The following SMC1B variants were observed in gnomAD, a reference collection of about 807,000 sequenced individuals.
The protein encoded by SMC1B is structural maintenance of chromosomes 1B, also known as structural maintenance of chromosomes protein 1B.
In SMC1B, 60 loss-of-function variants were observed where a neutral mutation model predicts 157.9. That is an observed-to-expected ratio of 0.38 (90% confidence interval 0.31 to 0.47). The LOEUF (loss-of-function observed/expected upper bound fraction) is 0.47. Among genes scored for constraint, SMC1B ranks in the 20% least tolerant of loss-of-function variants. The probability of loss-of-function intolerance (pLI) is 0.99; values close to 1 mark genes in which losing one functional copy is unlikely to be tolerated. For synonymous variants in SMC1B, 445 were observed against 483.0 expected (o/e 0.92, Z 1.03); for missense variants, 1,165 against 1,426.2 (o/e 0.82, Z 2.95).
At chr22:45,388,935 C>T (rs1458425832) in intron 10 of SMC1B, among the ~76,000 whole-genome samples, 1 of 127,466 alleles carries the variant, frequency 7.8e-6, no homozygotes, top group African/African-American at 3.1e-5. Context: ...TGCAGTGAAC[C>T]AAGATCGTGC....
chr22:45,373,576 AGGTTT>A (rs892591847), intron 12 of SMC1B, among the ~76,000 whole-genome samples: 4 of 152,224 alleles, frequency 2.6e-5, no homozygotes, highest in Non-Finnish European at 5.9e-5. Context: ...ACAGGCAGTA[AGGTTT>A]GTTTTGGGAA....
At chr22:45,385,709 T>C (rs1268432234) in intron 11 of SMC1B, among the ~76,000 whole-genome samples, 4 of 152,006 alleles carry the variant, frequency 2.6e-5, no homozygotes, top group Non-Finnish European at 5.9e-5. Flanking sequence ...AATATACAAA[T>C]ATACAAAAGT....
intron 10 of SMC1B, among the ~76,000 whole-genome samples, chr22:45,387,989 G>A (rs1362282038): frequency 2.0e-5 from 3 of 151,216 alleles, no homozygotes; most frequent in Admixed American, 6.6e-5. Context: ...CCGAGATCAC[G>A]CCATTGCACT....
chr22:45,387,686 A>G (rs2087004769), intron 10 of SMC1B, among the ~76,000 whole-genome samples: 1 of 152,208 alleles, frequency 6.6e-6, no homozygotes, highest in Admixed American at 6.5e-5. Context: ...GTGAAAAATA[A>G]TGCCCATTTT....
chr22:45,411,192 CA>C (rs2087329260), intron 1 of SMC1B, among the ~76,000 whole-genome samples: 1 of 111,990 alleles, frequency 8.9e-6, no homozygotes, highest in Non-Finnish European at 1.7e-5. Context: ...GGCAACAACC[CA>C]AACTATCAAC....
chr22:45,370,679 G>C (rs1209778455), intron 14 of SMC1B, among the ~76,000 whole-genome samples: 1 of 151,916 alleles, frequency 6.6e-6, no homozygotes, highest in Non-Finnish European at 1.5e-5. Context: ...AGCATGACTA[G>C]ATAATCCAAG....
chr22:45,401,061 A>T (rs905401210), intron 5 of SMC1B, among the ~76,000 whole-genome samples: 1 of 152,254 alleles, frequency 6.6e-6, no homozygotes, highest in East Asian at 1.9e-4. Context: ...GGATCATAAA[A>T]AGGACATTAG....
chr22:45,413,526 C>T lies in SMC1B; in HGVS notation c.42G>A (p.Ser14=), dbSNP rs1370666993. The T allele has an allele frequency of 1.9e-6, 3 of 1,612,352 alleles. No individual in the cohort carries two copies. The African/African-American group carries it at 4.0e-5, about 22-fold the overall frequency. The change falls in exon 1 of 25, where the codon TCG becomes TCA. Residue 14 remains serine, a synonymous_variant. Transcript: ENST00000357450. ...GGCCAATGACCTGGCGGCCCCGCCACGACTTGAAATTTTCCACAAGCAGCA... is the reference window on the plus strand; with the variant it reads ...GGCCAATGACCTGGCGGCCCCGCCATGACTTGAAATTTTCCACAAGCAGCA... The part of the protein sequence containing the change: ...LELLLVENFK[S]WRGRQVIGPF...
Position 45,406,531 on chromosome 22 carries a change from C to T in SMC1B, c.544G>A (p.Ala182Thr), listed in dbSNP as rs2087262368. 1.2e-6 allele frequency: 2 copies of T among 1,613,134 alleles called. No homozygotes were observed. Among genetic ancestry groups the T allele is most frequent in the African/African-American group, 2.7e-5 (2 of 75,018 alleles). The change falls in exon 4 of 25, where the codon GCA (alanine) becomes ACA (threonine). Residue 182 changes from alanine (A) to threonine (T), a missense_variant. Transcript: ENST00000357450. ...KRKLQKAEED[A>T]QFNFNKKKNI... ...TTTTTCTTATTAAAGTTAAACTGTG[C>T]ATCCTCTTCGGCTTTTTGTAACTTT...
rs543895513 is a variant in SMC1B at position 45,349,686 on chromosome 22, G to A, written c.3495+42C>T. On this transcript the variant is annotated intron_variant, in intron 23 of 24. Coordinates refer to ENST00000357450, the MANE Select transcript of SMC1B (RefSeq NM_148674.5). Reference sequence around the variant, plus strand: ...CCATTGCTTGCCTCACATGATCCTTGAATTGTAGACAGTCTATTGAAAATG... The same window carrying A: ...CCATTGCTTGCCTCACATGATCCTTAAATTGTAGACAGTCTATTGAAAATG... 2.6e-6 allele frequency: 4 copies of A among 1,539,986 alleles called. No homozygotes were observed. In the Admixed American group the frequency reaches 5.1e-5, roughly 20 times the overall value.
At chr22:45,364,053 T>C (rs989733976) in intron 15 of SMC1B, among the ~76,000 whole-genome samples, 3 of 152,172 alleles carry the variant, frequency 2.0e-5, no homozygotes, top group African/African-American at 7.2e-5. Context: ...TTCGCCATGT[T>C]GGCCAGGCTG....
intron 12 of SMC1B, among the ~76,000 whole-genome samples, chr22:45,380,815 A>G (rs1395353345): frequency 6.6e-6 from 1 of 152,146 alleles, no homozygotes; most frequent in African/African-American, 2.4e-5. Flanking sequence ...AGTCCCAGCT[A>G]CTTGGGTGGC....
At chr22:45,366,535 G>A (rs1363460550) in intron 15 of SMC1B, among the ~76,000 whole-genome samples, 4 of 152,246 alleles carry the variant, frequency 2.6e-5, no homozygotes, top group Admixed American at 2.0e-4. Context: ...TTATGATGAT[G>A]AATTAATTCA....
Position 45,391,939 on chromosome 22 carries a change from C to T in SMC1B, c.1545+1695G>A, listed in dbSNP as rs140914069. Among the ~76,000 whole-genome samples the T allele has an allele frequency of 3.7e-3, 565 of 152,116 alleles. 2 individuals carry two copies. Among genetic ancestry groups the T allele is most frequent in the Non-Finnish European group, 4.7e-3 (321 of 68,000 alleles). On this transcript the variant is annotated intron_variant, in intron 9 of 24. Coordinates refer to ENST00000357450, the MANE Select transcript of SMC1B (RefSeq NM_148674.5). ...TTAGAGAGCATATGAGCTTCACATTCCCCAATTCACCAGTGTTTTTTTGTT... is the reference window on the plus strand; with the variant it reads ...TTAGAGAGCATATGAGCTTCACATTTCCCAATTCACCAGTGTTTTTTTGTT...
chr22:45,370,266 C>T (rs2086818643), intron 14 of SMC1B, among the ~76,000 whole-genome samples: 1 of 151,868 alleles, frequency 6.6e-6, no homozygotes, highest in African/African-American at 2.4e-5. Flanking sequence ...TTCAAAAAAA[C>T]TAAGAAAGAT....
chr22:45,413,425 G>A, intron 1 of SMC1B, 34 bp downstream of exon 1: 2 of 1,527,430 alleles, frequency 1.3e-6, no homozygotes, highest in Non-Finnish European at 1.8e-6. Flanking sequence ...GGACGGCGGA[G>A]GCGCTCCGGT....
At chr22:45,352,627 C>A in intron 21 of SMC1B, 25 bp from the exon 22 acceptor site, 1 of 1,569,786 alleles carries the variant, frequency 6.4e-7, no homozygotes, top group Non-Finnish European at 8.7e-7. Context: ...ATTTATTTAG[C>A]AATATCAGAA....
chr22:45,385,853 A>G (rs2086984173), intron 11 of SMC1B, among the ~76,000 whole-genome samples: 1 of 152,082 alleles, frequency 6.6e-6, no homozygotes, highest in Non-Finnish European at 1.5e-5. Flanking sequence ...AGAAACACCA[A>G]AATGTATGAA....
intron 19 of SMC1B, 95 bp from the exon 20 acceptor site, chr22:45,355,210 C>A: frequency 8.3e-7 from 1 of 1,206,636 alleles, no homozygotes; most frequent in South Asian, 1.3e-5. Flanking sequence ...CATCCCAGGT[C>A]CCTGTGCATC....
Sources: gnomAD v4.1 joint callset for allele counts (sites outside exome capture counted in the v4.1 genomes callset) on GRCh38, gnomAD v4.1.1 for gene constraint, MANE v1.5 for transcripts, NCBI Gene and HGNC (gene_info 2026-07-23, HGNC 2026-07-21) for gene names.